The following IKZF3 variants were observed in gnomAD, a reference collection of about 807,000 sequenced individuals.
The protein encoded by IKZF3 is zinc finger protein Aiolos.
Under a neutral mutation model 49.0 loss-of-function variants are expected in IKZF3, and 10 were observed. That is an observed-to-expected ratio of 0.20 (90% confidence interval 0.13 to 0.35). IKZF3 has a LOEUF of 0.35. IKZF3 is among the 10% of genes least tolerant of loss of function. The pLI is 1.00. For missense variants in IKZF3, 498 were observed against 664.8 expected (o/e 0.75, Z 2.76); for synonymous variants, 209 against 228.2 (o/e 0.92, Z 0.76).
chr17:39,805,977 A>G (rs1332770721), intron 3 of IKZF3, among the ~76,000 whole-genome samples: 2 of 152,244 alleles, frequency 1.3e-5, no homozygotes, highest in African/African-American at 4.8e-5. Context: ...ACAGGGAAGG[A>G]ACAATATGGT....
chr17:39,777,980 T>C (rs2060633331), intron 6 of IKZF3: 1 of 1,231,102 alleles, frequency 8.1e-7, no homozygotes, highest in African/African-American at 1.6e-5. Context: ...TATGCCGAGA[T>C]GGGAAAGCTC....
rs187310898 is a variant in IKZF3, at chr17:39,764,106, C to G, written c.*1684G>C. The G allele has an allele frequency of 6.6e-6, 1 of 152,120 alleles. No individual in the cohort carries two copies. Among genetic ancestry groups the G allele is most frequent in the Non-Finnish European group, 1.5e-5 (1 of 68,026 alleles). The allele number at this position is 152,120 out of a possible 1,614,324, so 9.4% of individuals were successfully genotyped here. A position where few individuals can be genotyped will look rare whatever the true frequency, so the allele number is the denominator to read the frequency against. On this transcript the variant is annotated 3_prime_UTR_variant, in exon 8 of 8. Transcript: ENST00000346872. ...CTGACCTCAAATGATGCGCCTGCCTCGGCTTCCCAAAGTGTTGGGATTACA... is the reference window on the plus strand; with the variant it reads ...CTGACCTCAAATGATGCGCCTGCCTGGGCTTCCCAAAGTGTTGGGATTACA...
At chr17:39,812,116 A>G in intron 3 of IKZF3, among the ~76,000 whole-genome samples, 1 of 152,214 alleles carries the variant, frequency 6.6e-6, no homozygotes, top group East Asian at 1.9e-4. Context: ...TAAAAACAAA[A>G]CAAAACACAA....
intron 1 of IKZF3, among the ~76,000 whole-genome samples, chr17:39,847,685 T>G (rs2062675533): frequency 6.6e-6 from 1 of 152,150 alleles, no homozygotes; most frequent in Non-Finnish European, 1.5e-5. Flanking sequence ...AATAGTGCAA[T>G]GAGATTTCTT....
intron 3 of IKZF3, among the ~76,000 whole-genome samples, chr17:39,815,142 C>T (rs1033834584): frequency 6.6e-6 from 1 of 152,196 alleles, no homozygotes; most frequent in African/African-American, 2.4e-5. Context: ...GCAAATGCAT[C>T]ATACCCTCAT....
chr17:39,779,666 C>G (rs140434340), intron 6 of IKZF3, among the ~76,000 whole-genome samples: 1 of 48,196 alleles, frequency 2.1e-5, no homozygotes, highest in Non-Finnish European at 4.4e-5. Context: ...TTTTTTTTTT[C>G]TGTTCCACGG....
At chr17:39,839,423 TTTA>T in intron 1 of IKZF3, 1 of 596,956 alleles carries the variant, frequency 1.7e-6, no homozygotes. Flanking sequence ...TGTACCTGAT[TTTA>T]TTACCAGTTT....
intron 1 of IKZF3, among the ~76,000 whole-genome samples, chr17:39,838,840 CT>C (rs896597803): frequency 5.6e-4 from 85 of 151,294 alleles, no homozygotes; most frequent in South Asian, 4.2e-3. Context: ...CTTTGTTTTA[CT>C]TTTTTTTTAA....
At chr17:39,834,426 C>T (rs2062204687) in intron 1 of IKZF3, among the ~76,000 whole-genome samples, 1 of 152,206 alleles carries the variant, frequency 6.6e-6, no homozygotes, top group Non-Finnish European at 1.5e-5. Flanking sequence ...GCTTTAGCTG[C>T]ATCTCATAAA....
chr17:39,843,438 G>GA (rs34135674), intron 1 of IKZF3, among the ~76,000 whole-genome samples: 75 of 144,186 alleles, frequency 5.2e-4, no homozygotes, highest in East Asian at 8.0e-4. Flanking sequence ...TTAACGGAGG[G>GA]AAAAAAAAAA....
In IKZF3 at chr17:39,793,316, C is replaced by A. The variant is rs549967024; in HGVS notation, c.164-383G>T. Among the ~76,000 whole-genome samples, 29 of 152,234 alleles carry A rather than the reference C, an allele frequency of 1.9e-4. No homozygotes were observed. The South Asian group carries it at 6.0e-3, about 32-fold the overall frequency. ...TTTTTGGTGGCTGCAGTTAAAAAGG[C>A]AAGGTGATGTACTCTTAGGTTTCAA... On this transcript the variant is annotated intron_variant, in intron 3 of 7. Transcript: ENST00000346872.
chr17:39,831,565 A>G (rs911244646), intron 2 of IKZF3, among the ~76,000 whole-genome samples: 5 of 152,186 alleles, frequency 3.3e-5, no homozygotes, highest in Admixed American at 1.3e-4. Flanking sequence ...TAGAGCAGGG[A>G]TCAGTAAACT....
chr17:39,835,643 CA>C (rs2062253712), intron 1 of IKZF3: 16 of 434,928 alleles, frequency 3.7e-5, no homozygotes, highest in South Asian at 2.9e-4. Context: ...CGTCCGTGTC[CA>C]GGGAGCAGCT....
intron 3 of IKZF3, among the ~76,000 whole-genome samples, chr17:39,798,871 C>A (rs936500201): frequency 6.6e-6 from 1 of 152,126 alleles, no homozygotes; most frequent in Non-Finnish European, 1.5e-5. Context: ...CTTCTCTGAT[C>A]AACCCAGCTG....
chr17:39,807,928 A>G (rs1240891834), intron 3 of IKZF3, among the ~76,000 whole-genome samples: 1 of 152,180 alleles, frequency 6.6e-6, no homozygotes, highest in East Asian at 1.9e-4. Flanking sequence ...TTTTAGGGTG[A>G]TGGAAATGTT....
intron 1 of IKZF3, among the ~76,000 whole-genome samples, chr17:39,833,722 G>T (rs1465660181): frequency 6.6e-6 from 1 of 152,052 alleles, no homozygotes; most frequent in Non-Finnish European, 1.5e-5. Flanking sequence ...AAACTACTAT[G>T]ATATTCCTTT....
rs117574970 is a variant in IKZF3, at chr17:39,791,174, A to G, written c.592+242T>C. Among the ~76,000 whole-genome samples, 1,514 of 152,234 alleles carry G rather than the reference A, an allele frequency of 9.9e-3. 13 individuals carry two copies. The highest frequency in any genetic ancestry group is 0.015 in the Non-Finnish European group (1,033 of 68,004). On this transcript the variant is annotated intron_variant, in intron 5 of 7. Transcript: ENST00000346872. ...ATTTTTTATAGGGTGGGCTCTTCCT[A>G]TCTGACTGTGTTGTTCTCCATGGGT...
chr17:39,834,122 C>G (rs2062193394), intron 1 of IKZF3, among the ~76,000 whole-genome samples: 1 of 152,118 alleles, frequency 6.6e-6, no homozygotes, highest in African/African-American at 2.4e-5. Context: ...GTTTGTTTTT[C>G]TCATGATTAG....
intron 1 of IKZF3, chr17:39,836,002 T>C (rs1434342858): frequency 1.6e-6 from 1 of 639,462 alleles, no homozygotes; most frequent in East Asian, 3.2e-5. Flanking sequence ...ATGTTGTCCA[T>C]GCTGCTCCAA....
Sources: gnomAD v4.1 joint callset for allele counts (sites outside exome capture counted in the v4.1 genomes callset) on GRCh38, gnomAD v4.1.1 for gene constraint, MANE v1.5 for transcripts, NCBI Gene and HGNC (gene_info 2026-07-23, HGNC 2026-07-21) for gene names.